The following PTPRN2 variants were observed in gnomAD, a reference collection of about 807,000 sequenced individuals.
The protein encoded by PTPRN2 is receptor-type tyrosine-protein phosphatase N2.
In PTPRN2, 74 loss-of-function variants were observed where a neutral mutation model predicts 118.8. That is an observed-to-expected ratio of 0.62 (90% CI 0.52 to 0.76). PTPRN2 has a LOEUF of 0.76. Among genes scored for constraint, PTPRN2 ranks in the 30% least tolerant of loss-of-function variants. PTPRN2 has a pLI of 0.00. For synonymous variants in PTPRN2, 641 were observed against 608.0 expected (o/e 1.05, Z -0.80); for missense variants, 1,481 against 1,394.4 (o/e 1.06, Z -0.99).
At chr7:157,945,171 T>C (rs949164288) in intron 11 of PTPRN2, among the ~76,000 whole-genome samples, 1 of 152,136 alleles carries the variant, frequency 6.6e-6, no homozygotes, top group African/African-American at 2.4e-5. Flanking sequence ...GCCCCAGTGC[T>C]GGGTGTTCAG....
chr7:157,862,221 T>A (rs544907869), intron 12 of PTPRN2, among the ~76,000 whole-genome samples: 1 of 152,382 alleles, frequency 6.6e-6, no homozygotes, highest in South Asian at 2.1e-4. Flanking sequence ...GAACTGTGTC[T>A]GCAACAGTCC....
chr7:158,566,417 G>A (rs1010385829), intron 1 of PTPRN2, among the ~76,000 whole-genome samples: 13 of 151,830 alleles, frequency 8.6e-5, no homozygotes, highest in African/African-American at 2.9e-4. Flanking sequence ...CTCAGCCATC[G>A]AGCTGACTGT....
At chr7:158,151,142 T>A (rs891098460) in intron 6 of PTPRN2, among the ~76,000 whole-genome samples, 3 of 79,218 alleles carry the variant, frequency 3.8e-5, no homozygotes, top group African/African-American at 1.1e-4. Flanking sequence ...CGCCTTTCTA[T>A]TCCTGCCTCT....
At chr7:157,923,567 CTT>C (rs1489825508) in intron 11 of PTPRN2, among the ~76,000 whole-genome samples, 3 of 152,192 alleles carry the variant, frequency 2.0e-5, no homozygotes, top group Non-Finnish European at 4.4e-5. Flanking sequence ...CTTTGGAAGA[CTT>C]TGCTCAAATT....
At chr7:158,018,960 CAAAAACAAAAAAAAAAA>C (rs1806646779) in intron 11 of PTPRN2, among the ~76,000 whole-genome samples, 1 of 13,240 alleles carries the variant, frequency 7.6e-5, no homozygotes, top group South Asian at 1.7e-3. Flanking sequence ...GACTTTGTTT[CAAAAACAAAAAAAAAAA>C]AAAAAAAAAA....
intron 11 of PTPRN2, among the ~76,000 whole-genome samples, chr7:158,062,057 T>C (rs1246386764): frequency 6.6e-6 from 1 of 152,256 alleles, no homozygotes; most frequent in African/African-American, 2.4e-5. Context: ...ATCTCGCACC[T>C]TGGTGCGGAA....
intron 11 of PTPRN2, among the ~76,000 whole-genome samples, chr7:157,899,037 G>C (rs1434987): frequency 0.67 from 101,882 of 152,108 alleles, 34,545 homozygotes; most frequent in East Asian, 0.76. Context: ...AATATGTAGA[G>C]ACATTCTGCA....
chr7:158,318,150 GC>G (rs1802503030), intron 2 of PTPRN2, among the ~76,000 whole-genome samples: 1 of 152,104 alleles, frequency 6.6e-6, no homozygotes, highest in Admixed American at 6.5e-5. Context: ...AGAGCCCGGC[GC>G]CCCCCACCGT....
Position 157,987,018 on chromosome 7 carries a change from C to T in PTPRN2, c.1724-88281G>A, listed in dbSNP as rs769789011. Among the ~76,000 whole-genome samples the T allele has an allele frequency of 2.6e-5, 4 of 152,252 alleles. No homozygotes were observed. The highest frequency in any genetic ancestry group is 4.4e-5 in the Non-Finnish European group (3 of 68,020). ...AGGAGAACCCCGCTTTAGGATATAACGGGTTCATGCACTGGAGTAGCTGCC... is the reference window on the plus strand; with the variant it reads ...AGGAGAACCCCGCTTTAGGATATAATGGGTTCATGCACTGGAGTAGCTGCC... On this transcript the variant is annotated intron_variant, in intron 11 of 22. Transcript: ENST00000389418. This position sits in a 1 kb window ranked among gnomAD's most constrained non-coding sequence, Gnocchi z 4.3.
intron 2 of PTPRN2, among the ~76,000 whole-genome samples, chr7:158,447,535 A>G (rs75053529): frequency 0.039 from 5,979 of 152,214 alleles, 407 homozygotes; most frequent in African/African-American, 0.14. Flanking sequence ...TCAGCCACAC[A>G]TGCTGCCCAC....
At position 158,121,310 on chromosome 7, in the gene PTPRN2, G is replaced by A. The variant is rs183461692; in HGVS notation, c.1557-10395C>T. Among the ~76,000 whole-genome samples the A allele has an allele frequency of 1.9e-3, 292 of 152,304 alleles. 2 individuals are homozygous for A. Among genetic ancestry groups the A allele is most frequent in the South Asian group, 0.013 (62 of 4,820 alleles). On this transcript the variant is annotated intron_variant, in intron 9 of 22. Transcript: ENST00000389418. ...ACTCCAATCAGCAAAGACAGAAACTGCTGCTCTTCAGGCTTTCCCTAAAAC... is the reference window on the plus strand; with the variant it reads ...ACTCCAATCAGCAAAGACAGAAACTACTGCTCTTCAGGCTTTCCCTAAAAC...
intron 3 of PTPRN2, among the ~76,000 whole-genome samples, chr7:158,277,708 G>A (rs1377203170): frequency 6.6e-6 from 1 of 152,210 alleles, no homozygotes; most frequent in East Asian, 1.9e-4. Context: ...AGCTGGGGAA[G>A]AGAAACTCTG....
chr7:158,098,378 G>C (rs968890417), intron 10 of PTPRN2, among the ~76,000 whole-genome samples: 3 of 152,244 alleles, frequency 2.0e-5, no homozygotes, highest in Non-Finnish European at 4.4e-5. Flanking sequence ...CGGGACTCAG[G>C]TTTGACTCTG....
chr7:158,322,980 A>G (rs572962930), intron 2 of PTPRN2, among the ~76,000 whole-genome samples: 138 of 152,282 alleles, frequency 9.1e-4, no homozygotes, highest in Non-Finnish European at 1.6e-3. Flanking sequence ...TGCAAGGTGA[A>G]CCTTAGGACA....
intron 2 of PTPRN2, among the ~76,000 whole-genome samples, chr7:158,373,627 A>G (rs1810271531): frequency 1.3e-5 from 2 of 152,162 alleles, no homozygotes; most frequent in South Asian, 4.1e-4. Flanking sequence ...AGGTTTGGAG[A>G]TGGTTTTCTG....
intron 2 of PTPRN2, among the ~76,000 whole-genome samples, chr7:158,336,702 T>G (rs1805621191): frequency 1.6e-5 from 2 of 123,934 alleles, no homozygotes; most frequent in South Asian, 5.4e-4. Flanking sequence ...CAGACGTCAC[T>G]CACACCCACA....
At chr7:157,563,280 G>A (rs1245397349) in intron 21 of PTPRN2, among the ~76,000 whole-genome samples, 24 of 87,786 alleles carry the variant, frequency 2.7e-4, no homozygotes, top group African/African-American at 5.6e-4. Flanking sequence ...GTGCTCCCAC[G>A]TCACCACACA....
chr7:157,725,314 G>GAA (rs1799490569), intron 12 of PTPRN2, among the ~76,000 whole-genome samples: 9 of 109,258 alleles, frequency 8.2e-5, no homozygotes, highest in African/African-American at 2.6e-4. Context: ...GAGGAGTGTG[G>GAA]CCAGACCCTC....
At chr7:157,773,740 C>G (rs1803025723) in intron 12 of PTPRN2, among the ~76,000 whole-genome samples, 1 of 152,170 alleles carries the variant, frequency 6.6e-6, no homozygotes, top group African/African-American at 2.4e-5. Context: ...TGTCTTTGTT[C>G]CCGAACCTCA....
Sources: gnomAD v4.1 joint callset for allele counts (sites outside exome capture counted in the v4.1 genomes callset) on GRCh38, gnomAD v4.1.1 for gene constraint, Gnocchi (gnomAD v3.1) non-coding constraint, MANE v1.5 for transcripts, NCBI Gene and HGNC (gene_info 2026-07-23, HGNC 2026-07-21) for gene names.